Variants in KALRN observed in about 807,000 individuals in gnomAD.
The protein encoded by KALRN is kalirin RhoGEF kinase, also known as kalirin.
In KALRN, 70 loss-of-function variants were observed where a neutral mutation model predicts 353.7. That is an observed-to-expected ratio of 0.20 (90% CI 0.16 to 0.24). The LOEUF (loss-of-function observed/expected upper bound fraction) is 0.24. Among genes scored for constraint, KALRN ranks in the 10% least tolerant of loss-of-function variants. The probability of loss-of-function intolerance (pLI) is 1.00; values close to 1 mark genes in which losing one functional copy is unlikely to be tolerated. For missense variants in KALRN, 2,791 were observed against 3,756.7 expected (o/e 0.74, Z 6.72); for synonymous variants, 1,391 against 1,434.8 (o/e 0.97, Z 0.69).
chr3:124,492,306 C>T (rs2063250683), intron 31 of KALRN, among the ~76,000 whole-genome samples: 1 of 152,150 alleles, frequency 6.6e-6, no homozygotes, highest in African/African-American at 2.4e-5. Flanking sequence ...GTCTGTGGAG[C>T]CATGCTAGGT....
At chr3:124,550,845 C>T (rs1275533863) in intron 33 of KALRN, among the ~76,000 whole-genome samples, 1 of 151,952 alleles carries the variant, frequency 6.6e-6, no homozygotes. Flanking sequence ...AAAAATTAGC[C>T]GGGCGTGGTG....
intron 1 of KALRN, chr3:124,163,874 T>C: frequency 1.0e-6 from 1 of 985,476 alleles, no homozygotes; most frequent in Non-Finnish European, 1.2e-6. Flanking sequence ...GACCAAGCCT[T>C]GGCCAAGTCA....
chr3:124,102,717 GTCCCCACT>G (rs1461375251), intron 1 of KALRN, among the ~76,000 whole-genome samples: 1 of 152,168 alleles, frequency 6.6e-6, no homozygotes, highest in Non-Finnish European at 1.5e-5. Flanking sequence ...GCAAGCCCTT[GTCCCCACT>G]ATCCTTTGTA....
In KALRN at chr3:124,699,906, G is replaced by A. The variant is rs1192800890; in HGVS notation, c.7869G>A (p.Leu2623=). The A allele has an allele frequency of 6.2e-7, 1 of 1,614,180 alleles. No individual in the cohort carries two copies. The highest frequency in any genetic ancestry group is 1.7e-5 in the Admixed American group (1 of 60,024). ...QIWQQSVAST[L]DTYLVIEDLS... is the part of the protein sequence containing the mutation. ...GGCAGCAGTCAGTGGCTTCGACCTT[G>A]GACACTTACCTCGTCATCGAAGACC... Residue 2623 remains leucine (L), a synonymous_variant, in exon 56 of 60, where the codon TTG becomes TTA. Transcript: ENST00000682506.
chr3:124,718,122 A>ATTT (rs35779082), intron 59 of KALRN, among the ~76,000 whole-genome samples: 8 of 126,964 alleles, frequency 6.3e-5, no homozygotes, highest in East Asian at 2.3e-4. Context: ...CATTATGACT[A>ATTT]TTTTTTTTTT....
At chr3:124,129,821 G>C (rs1450920416) in intron 1 of KALRN, among the ~76,000 whole-genome samples, 1 of 152,174 alleles carries the variant, frequency 6.6e-6, no homozygotes, top group Non-Finnish European at 1.5e-5. Flanking sequence ...CATCAGTGAA[G>C]TTTGTTTTAA....
At chr3:124,427,524 G>A (rs1014533181) in intron 15 of KALRN, among the ~76,000 whole-genome samples, 2 of 152,316 alleles carry the variant, frequency 1.3e-5, no homozygotes, top group Admixed American at 6.5e-5. Flanking sequence ...TGGTTACAAG[G>A]CTCAGCCTGC....
intron 37 of KALRN, among the ~76,000 whole-genome samples, chr3:124,641,131 C>T (rs544293140): frequency 9.2e-5 from 14 of 152,182 alleles, no homozygotes; most frequent in South Asian, 2.1e-4. Flanking sequence ...GCTTCTGCCT[C>T]GGTGAGTTAG....
chr3:124,664,366 T>TGCGCGC (rs1454191492), intron 45 of KALRN, among the ~76,000 whole-genome samples: 4,047 of 126,656 alleles, frequency 0.032, 118 homozygotes, highest in East Asian at 0.066. Context: ...TGTGTGTGTG[T>TGCGCGC]GTGTGCGCGC....
rs150987833 is a variant in KALRN at position 124,224,956 on chromosome 3, A to G, written c.74-3034A>G. 4.3e-4 allele frequency among the ~76,000 whole-genome samples: 66 copies of G among 152,346 alleles called. No individual in the cohort carries two copies. The East Asian group carries it at 0.012, about 28-fold the overall frequency. On this transcript the variant is annotated intron_variant, in intron 1 of 59. Coordinates refer to ENST00000682506, the MANE Select transcript of KALRN (RefSeq NM_001388419.1). The stretch of plus-strand genomic sequence containing the variant: ...GTATAAGTCATTTTAGGAAGGGTCA[A>G]CATTTCATTGATTCATTTATTCTTT...
intron 34 of KALRN, among the ~76,000 whole-genome samples, chr3:124,580,626 A>G (rs1384849964): frequency 2.6e-5 from 4 of 152,162 alleles, no homozygotes; most frequent in Non-Finnish European, 5.9e-5. Context: ...TCTGATGTGG[A>G]TTCACTTTTC....
At chr3:124,508,653 T>G (rs986462986) in intron 33 of KALRN, among the ~76,000 whole-genome samples, 2 of 152,224 alleles carry the variant, frequency 1.3e-5, no homozygotes, top group Non-Finnish European at 2.9e-5. Context: ...CTTGAATTTC[T>G]CTAGGGTATA....
intron 8 of KALRN, among the ~76,000 whole-genome samples, chr3:124,331,530 A>T (rs2080557435): frequency 6.6e-6 from 1 of 152,242 alleles, no homozygotes; most frequent in Non-Finnish European, 1.5e-5. Context: ...AGTAATGAAT[A>T]CTAAAAAATG....
chr3:124,273,655 C>T (rs565333914), intron 5 of KALRN, among the ~76,000 whole-genome samples: 1 of 152,278 alleles, frequency 6.6e-6, no homozygotes, highest in Non-Finnish European at 1.5e-5. Flanking sequence ...GCTGTACTGT[C>T]CTAGGCACAG....
chr3:124,386,927 C>A (rs906701850), intron 11 of KALRN, among the ~76,000 whole-genome samples: 1 of 152,194 alleles, frequency 6.6e-6, no homozygotes, highest in African/African-American at 2.4e-5. Context: ...AATGAGGAGA[C>A]TAAGCCTCAG....
chr3:124,703,618 G>A (rs1036988867), intron 57 of KALRN, among the ~76,000 whole-genome samples: 1 of 150,946 alleles, frequency 6.6e-6, no homozygotes, highest in Non-Finnish European at 1.5e-5. Flanking sequence ...CATTGCACCA[G>A]GCTGAGTATA....
At chr3:124,306,032 A>G (rs1450832478) in intron 6 of KALRN, among the ~76,000 whole-genome samples, 1 of 152,224 alleles carries the variant, frequency 6.6e-6, no homozygotes, top group African/African-American at 2.4e-5. Flanking sequence ...AAGCATAATT[A>G]CAATGTCCCC....
Position 124,722,655 on chromosome 3 carries a change from G to C in KALRN, c.*3185G>C, listed in dbSNP as rs1009853467. ...GTTGCTCTGAGGGCAACCGTGCTTA[G>C]GGAAAAAGGATCAGGGGCCACTCTT... On this transcript the variant is annotated 3_prime_UTR_variant, in exon 60 of 60. Transcript: ENST00000682506. The C allele has an allele frequency of 6.6e-6, 1 of 152,134 alleles. No individual in the cohort carries two copies. The highest frequency in any genetic ancestry group is 1.5e-5 in the Non-Finnish European group (1 of 68,022). 9.4% of individuals were successfully genotyped at this position (152,134 alleles called of 1,614,324 possible).
chr3:124,116,379 G>A (rs2063463332), intron 1 of KALRN, among the ~76,000 whole-genome samples: 3 of 152,136 alleles, frequency 2.0e-5, no homozygotes, highest in Admixed American at 2.0e-4. Flanking sequence ...TATGTGCCAG[G>A]AACTGTCCTA....
Sources: gnomAD v4.1 joint callset for allele counts (sites outside exome capture counted in the v4.1 genomes callset) on GRCh38, gnomAD v4.1.1 for gene constraint, MANE v1.5 for transcripts, NCBI Gene and HGNC (gene_info 2026-07-23, HGNC 2026-07-21) for gene names.